The following ACACB variants were observed in gnomAD, a reference collection of about 807,000 sequenced individuals.
ACACB encodes the protein acetyl-CoA carboxylase 2.
A neutral mutation model predicts 278.8 loss-of-function variants in ACACB; 209 were observed. The observed-to-expected ratio is 0.75, with a 90% confidence interval of 0.67 to 0.84. ACACB has a LOEUF of 0.84. Among genes scored for constraint, ACACB ranks in the 40% least tolerant of loss-of-function variants. ACACB has a pLI of 0.00. For missense variants in ACACB, 2,850 were observed against 3,269.0 expected (o/e 0.87, Z 3.13); for synonymous variants, 1,174 against 1,285.6 (o/e 0.91, Z 1.86).
intron 26 of ACACB, among the ~76,000 whole-genome samples, chr12:109,223,142 AGCAGTG>A (rs921082966): frequency 5.9e-5 from 9 of 152,304 alleles, no homozygotes; most frequent in African/African-American, 2.2e-4. Flanking sequence ...ACAGTGTGAC[AGCAGTG>A]GGGGCTCACC....
In ACACB at chr12:109,191,857, CG is replaced by C. The variant is rs1343680934; in HGVS notation, c.2308del (p.Asp770IlefsTer11). 1 of 1,614,022 alleles carries C rather than the reference CG, an allele frequency of 6.2e-7. No homozygotes were observed. The highest frequency in any genetic ancestry group is 8.5e-7 in the Non-Finnish European group (1 of 1,180,032). Reference protein sequence around the residue: ...LIAEKVQAEKPDIMLGVVCGA... With the variant: ...LIAEKVQAEKXDIMLGVVCGA... ...TGCATTTTCTCCTAGGCGGAGAAAC[CG>C]GATATCATGCTTGGGGTGGTATGCG... is the stretch of plus-strand genomic sequence containing the variant. On this transcript the variant is annotated frameshift_variant, in exon 15 of 53. Transcript: ENST00000338432. LOFTEE classifies it high-confidence loss of function.
At chr12:109,264,469 G>A in intron 50 of ACACB, 83 bp downstream of exon 50, 1 of 1,537,696 alleles carries the variant, frequency 6.5e-7, no homozygotes, top group Non-Finnish European at 8.9e-7. Flanking sequence ...TCGGGGGCGG[G>A]GAGGGCGGTG....
chr12:109,149,294 C>A (rs911713175), intron 2 of ACACB, among the ~76,000 whole-genome samples: 1 of 152,082 alleles, frequency 6.6e-6, no homozygotes, highest in Non-Finnish European at 1.5e-5. Flanking sequence ...ACCTTTAAGT[C>A]GTATGAGCTT....
chr12:109,234,990 A>ATCACCAGAATCAATTTTAGGACATTC, intron 31 of ACACB, among the ~76,000 whole-genome samples: 1 of 152,056 alleles, frequency 6.6e-6, no homozygotes, highest in South Asian at 2.1e-4. Flanking sequence ...TTGTACAACC[A>ATCACCAGAATCAATTTTAGGACATTC]TCACCAGAAT....
At chr12:109,145,786 G>T (rs1339881803) in intron 2 of ACACB, among the ~76,000 whole-genome samples, 1 of 151,772 alleles carries the variant, frequency 6.6e-6, no homozygotes, top group Non-Finnish European at 1.5e-5. Context: ...GGATCACAAG[G>T]TCAGGAGTTT....
chr12:109,198,054 C>T (rs953161889), intron 17 of ACACB, among the ~76,000 whole-genome samples: 2 of 151,988 alleles, frequency 1.3e-5, no homozygotes, highest in East Asian at 1.9e-4. Flanking sequence ...TGTGCCACCA[C>T]GCCTGGCTAA....
At chr12:109,183,878 T>G (rs371456614) in intron 11 of ACACB, among the ~76,000 whole-genome samples, 28 of 152,064 alleles carry the variant, frequency 1.8e-4, no homozygotes, top group African/African-American at 6.3e-4. Context: ...CCTCTTTTTC[T>G]TCCTTCAGCA....
intron 37 of ACACB, among the ~76,000 whole-genome samples, chr12:109,245,397 C>A (rs148202305): frequency 0.013 from 2,055 of 152,256 alleles, 18 homozygotes; most frequent in Non-Finnish European, 0.018. Flanking sequence ...TCAATCGCAT[C>A]TTTCTTCTTT....
chr12:109,261,698 C>G (rs891310391), intron 48 of ACACB, among the ~76,000 whole-genome samples: 5 of 151,808 alleles, frequency 3.3e-5, no homozygotes, highest in African/African-American at 1.2e-4. Context: ...CAGTGAAACC[C>G]CGTCTCTACT....
chr12:109,190,494 C>A (rs1345824336), intron 13 of ACACB, among the ~76,000 whole-genome samples: 2 of 152,244 alleles, frequency 1.3e-5, no homozygotes, highest in Non-Finnish European at 2.9e-5. Context: ...ACAGTGCCGT[C>A]CATCTGCAGG....
At chr12:109,259,132 AC>A in intron 47 of ACACB, 24 bp downstream of exon 47, 3 of 1,611,854 alleles carry the variant, frequency 1.9e-6, no homozygotes, top group Non-Finnish European at 2.5e-6. Context: ...TGCCTATGTT[AC>A]CCCAAAGCCT....
At position 109,222,966 on chromosome 12, in the gene ACACB, T is replaced by TG. The variant is rs2046217419; in HGVS notation, c.3792+59dup. On this transcript the variant is annotated intron_variant, in intron 26 of 52. Transcript: ENST00000338432. ...TGCAGAGCACACACTGTGGCCCAGG[T>TG]GGGGGCCTCTGGGGAAACGGCTCCT... is the stretch of plus-strand genomic sequence containing the variant. 1.1e-5 allele frequency: 15 copies of TG among 1,376,614 alleles called. No homozygotes were observed. The Admixed American group carries it at 2.5e-4, about 23-fold the overall frequency. 85.3% of individuals were successfully genotyped at this position (1,376,614 alleles called of 1,614,324 possible). A position where few individuals can be genotyped will look rare whatever the true frequency, so the allele number is the denominator to read the frequency against.
rs576408664 is a variant in ACACB, at chr12:109,240,267, G to A, written c.4818+282G>A. 5.9e-5 allele frequency among the ~76,000 whole-genome samples: 9 copies of A among 152,274 alleles called. No homozygotes were observed. In the South Asian group the frequency reaches 1.5e-3, roughly 25 times the overall value. On this transcript the variant is annotated intron_variant, in intron 35 of 52. Coordinates refer to ENST00000338432, the MANE Select transcript of ACACB (RefSeq NM_001093.4). ...TGTCCTTTCCCTGGTTCCAGGCTGC[G>A]CTGGGGACTGCATGTGGGTGGGGAG...
In ACACB at chr12:109,138,570, T is replaced by TAA. The variant is rs35532847; in HGVS notation, c.-9-816_-9-815dup. ...AAAGTGGAATATAATTAAGAGTCTT[T>TAA]AAAAAAAAAAAATAACAGCTTTGGC... On this transcript the variant is annotated intron_variant, in intron 1 of 52. Coordinates refer to ENST00000338432, the MANE Select transcript of ACACB (RefSeq NM_001093.4). 1.3e-3 allele frequency among the ~76,000 whole-genome samples: 199 copies of TAA among 149,770 alleles called. No individual in the cohort carries two copies. The East Asian group carries it at 0.021, about 16-fold the overall frequency.
intron 46 of ACACB, among the ~76,000 whole-genome samples, chr12:109,258,621 C>T (rs1379994661): frequency 6.6e-6 from 1 of 152,230 alleles, no homozygotes; most frequent in East Asian, 1.9e-4. Context: ...TCCTGCCCTG[C>T]CTCTGTTGCT....
chr12:109,112,214 G>A (rs181572711), upstream of ACACB, among the ~76,000 whole-genome samples: 38 of 147,696 alleles, frequency 2.6e-4, 1 homozygote, highest in African/African-American at 8.9e-4. Context: ...TTCAATATAC[G>A]TATATTGAAT....
intron 2 of ACACB, among the ~76,000 whole-genome samples, chr12:109,140,324 TTCCTTCCTTCCTTCCTTCCTTCCTTCCC>T (rs2043088259): frequency 1.4e-5 from 2 of 143,768 alleles, no homozygotes; most frequent in African/African-American, 2.6e-5. Flanking sequence ...CCTTCCTTCC[TTCCTTCCTTCCTTCCTTCCTTCCTTCCC>T]TCCTTTCAAA....
chr12:109,175,352 A>AT (rs1296138152), intron 7 of ACACB, among the ~76,000 whole-genome samples: 23 of 151,394 alleles, frequency 1.5e-4, no homozygotes, highest in Admixed American at 6.6e-4. Flanking sequence ...TAGAATTGGG[A>AT]TTTTTTTTTG....
Position 109,233,980 on chromosome 12 carries a change from C to A in ACACB, c.4282C>A (p.Gln1428Lys). 2 of 1,614,168 alleles carry A rather than the reference C, an allele frequency of 1.2e-6. No individual in the cohort carries two copies. Among genetic ancestry groups the A allele is most frequent in the Non-Finnish European group, 1.7e-6 (2 of 1,180,032 alleles). Residue 1428 changes from glutamine (Q) to lysine (K), a missense_variant, in exon 31 of 53, where the codon CAG becomes AAG. Physicochemically the swap from Gln to Lys is moderately conservative, Grantham distance 53. This residue lies in a region of ACACB where 2,265 missense variants were observed against 2,561.3 expected (regional missense o/e 0.88). Transcript: ENST00000338432. Reference protein sequence around the residue: ...EPIHILNVSIQCADHLEDEAL... With the variant: ...EPIHILNVSIKCADHLEDEAL... ...CATCCACATTCTGAATGTGTCCATC[C>A]AGTGTGCAGACCACCTGGAGGATGA...
Sources: gnomAD v4.1 joint callset for allele counts (sites outside exome capture counted in the v4.1 genomes callset) on GRCh38, gnomAD v4.1.1 for gene constraint, gnomAD v4.1.1 regional missense constraint, MANE v1.5 for transcripts, NCBI Gene and HGNC (gene_info 2026-07-23, HGNC 2026-07-21) for gene names.